The following TTC7B variants were observed in gnomAD, a reference collection of about 807,000 sequenced individuals.
TTC7B encodes the protein tetratricopeptide repeat domain 7B.
A neutral mutation model predicts 106.8 loss-of-function variants in TTC7B; 28 were observed. The observed-to-expected ratio is 0.26, with a 90% confidence interval of 0.19 to 0.36. TTC7B has a LOEUF of 0.36. Among genes scored for constraint, TTC7B ranks in the 10% least tolerant of loss-of-function variants. The pLI, the probability that TTC7B is intolerant of heterozygous loss-of-function variation, is 1.00. For synonymous variants in TTC7B, 405 were observed against 430.6 expected, an observed-to-expected ratio of 0.94 and a Z score of 0.74; for missense variants, 862 against 1,076.4, an observed-to-expected ratio of 0.80 and a Z score of 2.79.
intron 7 of TTC7B, among the ~76,000 whole-genome samples, chr14:90,682,804 G>C (rs1887106024): frequency 6.6e-6 from 1 of 152,232 alleles, no homozygotes; most frequent in South Asian, 2.1e-4. Context: ...GGAGGCGGCA[G>C]TGGGGCAGCT....
intron 15 of TTC7B, chr14:90,642,540 G>C (rs1009779225): frequency 6.6e-6 from 1 of 152,188 alleles, no homozygotes; most frequent in Non-Finnish European, 1.5e-5. Flanking sequence ...TACTGACCCT[G>C]CAACTCTGTA....
chr14:90,734,248 G>A (rs899316868), intron 4 of TTC7B, among the ~76,000 whole-genome samples: 4 of 151,830 alleles, frequency 2.6e-5, no homozygotes, highest in Admixed American at 1.3e-4. Context: ...GCAAAACCCC[G>A]TCTCTACTAA....
In TTC7B at chr14:90,802,968, C is replaced by CT. The variant is rs1438570450; in HGVS notation, c.121+13206dup. Among the ~76,000 whole-genome samples, 14 of 62,620 alleles carry CT rather than the reference C, an allele frequency of 2.2e-4. No homozygotes were observed. Among genetic ancestry groups the CT allele is most frequent in the Admixed American group, 1.7e-3 (9 of 5,182 alleles). 41.1% of individuals were successfully genotyped at this position (62,620 alleles called of 152,430 possible). On this transcript the variant is annotated intron_variant, in intron 1 of 19. Coordinates refer to ENST00000328459, the MANE Select transcript of TTC7B (RefSeq NM_001010854.2). The surrounding 1 kb of genome is among the most constrained non-coding windows in gnomAD (Gnocchi z 4.7). ...CCAACATGGTGAAACCCCATCTCTG[C>CT]TAAAAAAAAAAAAAAATACAAAAAA...
intron 17 of TTC7B, among the ~76,000 whole-genome samples, chr14:90,610,358 T>A (rs1892821257): frequency 6.6e-6 from 1 of 152,300 alleles, no homozygotes. Context: ...TGTATGTGTG[T>A]TTATATGTGC....
chr14:90,737,288 AAC>A (rs1024522236), intron 4 of TTC7B, among the ~76,000 whole-genome samples: 2 of 149,688 alleles, frequency 1.3e-5, no homozygotes, highest in African/African-American at 5.1e-5. Context: ...GAAAACTGAA[AAC>A]ATATGTCTAC....
intron 5 of TTC7B, among the ~76,000 whole-genome samples, chr14:90,721,481 C>A (rs2139979357): frequency 6.6e-6 from 1 of 152,270 alleles, no homozygotes; most frequent in Admixed American, 6.5e-5. Flanking sequence ...TAAGATCGGG[C>A]TGATGCTTTT....
chr14:90,660,243 A>T (rs61987045), intron 9 of TTC7B, among the ~76,000 whole-genome samples: 26,550 of 151,090 alleles, frequency 0.18, 3,037 homozygotes, highest in East Asian at 0.46. Flanking sequence ...AGTAAAAATT[A>T]GCTGGGTATG....
At chr14:90,545,363 G>A (rs1259364553) in intron 19 of TTC7B, among the ~76,000 whole-genome samples, 2 of 152,206 alleles carry the variant, frequency 1.3e-5, no homozygotes, top group East Asian at 3.9e-4. Flanking sequence ...ACCACTAACT[G>A]CTGATTTTAT....
chr14:90,644,974 G>C (rs375517757), intron 14 of TTC7B: 7 of 152,168 alleles, frequency 4.6e-5, no homozygotes, highest in African/African-American at 1.7e-4. Flanking sequence ...CAAGCACAAG[G>C]GTTGATAAAA....
chr14:90,665,763 T>C (rs755810519), intron 9 of TTC7B, among the ~76,000 whole-genome samples: 14 of 152,214 alleles, frequency 9.2e-5, no homozygotes, highest in Non-Finnish European at 2.9e-5. Flanking sequence ...GTCAGCCATA[T>C]CCTAAAAGTT....
At chr14:90,755,752 T>C (rs918178541) in intron 3 of TTC7B, among the ~76,000 whole-genome samples, 4 of 152,262 alleles carry the variant, frequency 2.6e-5, no homozygotes, top group African/African-American at 9.6e-5. Flanking sequence ...CTTCTCCATT[T>C]ACCAGCTCTG....
chr14:90,706,461 C>T (rs1415292365), intron 5 of TTC7B, among the ~76,000 whole-genome samples: 11 of 152,130 alleles, frequency 7.2e-5, no homozygotes, highest in Admixed American at 7.2e-4. Flanking sequence ...CCACACCCAG[C>T]CCTGGAATAA....
intron 13 of TTC7B, among the ~76,000 whole-genome samples, chr14:90,651,129 T>C (rs1885699050): frequency 6.6e-6 from 1 of 152,264 alleles, no homozygotes; most frequent in Non-Finnish European, 1.5e-5. Context: ...TTTTAAATTA[T>C]CCATTTACAT....
At chr14:90,737,647 A>G (rs112658946) in intron 4 of TTC7B, among the ~76,000 whole-genome samples, 21,869 of 142,676 alleles carry the variant, frequency 0.15, 2,425 homozygotes, top group African/African-American at 0.34. Context: ...TCCACCTGCC[A>G]GTTCAAGCAA....
intron 16 of TTC7B, among the ~76,000 whole-genome samples, chr14:90,614,744 T>C (rs1440459791): frequency 1.3e-5 from 2 of 152,234 alleles, no homozygotes; most frequent in Non-Finnish European, 2.9e-5. Context: ...AAGGCTAATG[T>C]AGGGATTGAA....
intron 15 of TTC7B, 70 bp from the exon 16 acceptor site, chr14:90,618,115 G>A: frequency 1.7e-6 from 2 of 1,169,484 alleles, no homozygotes; most frequent in South Asian, 2.5e-5. Context: ...AGCAAGACAA[G>A]TGGTGGGCTT....
chr14:90,585,649 A>G (rs549896373), intron 18 of TTC7B: 23 of 152,438 alleles, frequency 1.5e-4, no homozygotes, highest in African/African-American at 5.5e-4. Flanking sequence ...ACGTGCTCCA[A>G]TGGGCTTCAG....
At chr14:90,696,186 CCT>C (rs1392166755) in intron 5 of TTC7B, among the ~76,000 whole-genome samples, 1 of 152,158 alleles carries the variant, frequency 6.6e-6, no homozygotes, top group Non-Finnish European at 1.5e-5. Flanking sequence ...ACCCGAGCTC[CCT>C]GAGTGTGAGC....
chr14:90,629,389 T>G (rs553081858), intron 15 of TTC7B, among the ~76,000 whole-genome samples: 1 of 152,360 alleles, frequency 6.6e-6, no homozygotes, highest in African/African-American at 2.4e-5. Flanking sequence ...ACCGCCCATT[T>G]GCAGAAAGTA....
Sources: allele counts gnomAD v4.1 joint callset (sites outside exome capture counted in the v4.1 genomes callset), GRCh38; gene constraint gnomAD v4.1.1; non-coding constraint Gnocchi (gnomAD v3.1); transcripts MANE v1.5; gene names NCBI Gene and HGNC (gene_info 2026-07-23, HGNC 2026-07-21).